STARD9: variants seen among roughly 807,000 people sequenced by gnomAD.
STARD9 encodes the protein StAR related lipid transfer domain containing 9.
A neutral mutation model predicts 399.8 loss-of-function variants in STARD9; 346 were observed. The ratio of observed to expected loss-of-function variants is 0.87; its 90% CI spans 0.79 to 0.95. The LOEUF (loss-of-function observed/expected upper bound fraction) is 0.95, where lower values mean the gene tolerates loss of function less well. Ranked by LOEUF, STARD9 falls within the 40% of genes least tolerant of loss-of-function variation. The pLI is 0.00. For synonymous variants in STARD9, 2,203 were observed against 2,143.5 expected, an observed-to-expected ratio of 1.03 and a Z score of -0.77; for missense variants, 5,832 against 5,667.5, an observed-to-expected ratio of 1.03 and a Z score of -0.93.
chr15:42,693,171 C>T lies in STARD9; in HGVS notation c.11593C>T (p.His3865Tyr). 2.0e-6 allele frequency: 3 copies of T among 1,537,192 alleles called. No individual in the cohort carries two copies. Among genetic ancestry groups the T allele is most frequent in the Non-Finnish European group, 1.7e-6 (2 of 1,146,912 alleles). The change falls in exon 23 of 33, where the codon CAT (histidine) becomes TAT (tyrosine). Residue 3865 changes from histidine (H) to tyrosine (Y), a missense_variant. His to Tyr is a moderately conservative substitution (Grantham distance 83). Coordinates refer to ENST00000290607, the MANE Select transcript of STARD9 (RefSeq NM_020759.3). ...VVSSPSPSSP[H>Y]SPGLFPSTSE... ...CAGCAGTCCCAGTCCCAGCTCCCCT[C>T]ATTCCCCAGGGCTCTTTCCCAGTAC... is the stretch of plus-strand genomic sequence containing the variant.
At chr15:42,598,846 C>T (rs997312347) in intron 3 of STARD9, among the ~76,000 whole-genome samples, 4 of 152,278 alleles carry the variant, frequency 2.6e-5, no homozygotes, top group African/African-American at 9.6e-5. Context: ...CTCATTCTTT[C>T]TCCACTGAAG....
At position 42,693,434 on chromosome 15, in the gene STARD9, C is replaced by T. The variant is rs762051747; in HGVS notation, c.11856C>T (p.Ser3952=). 8.5e-6 allele frequency: 13 copies of T among 1,537,210 alleles called. No homozygotes were observed. The South Asian group carries it at 1.5e-4, about 18-fold the overall frequency. The change falls in exon 23 of 33, where the codon TCC becomes TCT. Residue 3952 remains serine, a synonymous_variant. Transcript: ENST00000290607. ...CAAGGACTCCAATGGATAATTATTC[C>T]CAAACCACTGACGAGTTAGGTGGCT... ...DAPRTPMDNY[S]QTTDELGGSQ...
At chr15:42,676,140 A>G in intron 20 of STARD9, among the ~76,000 whole-genome samples, 165 bp downstream of exon 20, 1 of 152,168 alleles carries the variant, frequency 6.6e-6, no homozygotes, top group Admixed American at 6.5e-5. Flanking sequence ...ATGCTGAACT[A>G]GCTGCTAAGT....
chr15:42,581,523 GGTAGGCGGC>G, intron 1 of STARD9: 2 of 1,387,732 alleles, frequency 1.4e-6, no homozygotes, highest in Non-Finnish European at 2.0e-6. Context: ...TTGTGTGGCG[GGTAGGCGGC>G]GGCGCCGGGC....
At chr15:42,600,910 C>T (rs1279573332) in intron 3 of STARD9, among the ~76,000 whole-genome samples, 1 of 140,424 alleles carries the variant, frequency 7.1e-6, no homozygotes, top group Non-Finnish European at 1.5e-5. Context: ...GGGTGTTTCT[C>T]GGAGAGGGGG....
chr15:42,692,391 C>A lies in STARD9; in HGVS notation c.10813C>A (p.Pro3605Thr). The part of the protein sequence containing the change: ...GEADCLRSKP[P>T]LAKGSAAGPV... ...AGCAGACTGTCTGAGGAGTAAGCCC[C>A]CCTTGGCCAAAGGAAGTGCTGCAGG... The change falls in exon 23 of 33, where the codon CCC becomes ACC. Residue 3605 changes from proline (P) to threonine (T), a missense_variant. By Grantham distance (38) the Pro-to-Thr change is conservative. Coordinates refer to ENST00000290607, the MANE Select transcript of STARD9 (RefSeq NM_020759.3). The A allele has an allele frequency of 5.2e-6, 8 of 1,536,998 alleles. No homozygotes were observed. Among genetic ancestry groups the A allele is most frequent in the Non-Finnish European group, 7.0e-6 (8 of 1,146,914 alleles).
intron 9 of STARD9, among the ~76,000 whole-genome samples, chr15:42,655,008 G>T (rs1013614611): frequency 2.0e-5 from 3 of 152,146 alleles, no homozygotes; most frequent in Non-Finnish European, 2.9e-5. Context: ...TGGGCCAGGC[G>T]CAGTGGCTCA....
rs1292950710 is a variant in STARD9 at position 42,686,397 on chromosome 15, G to A, written c.4819G>A (p.Val1607Ile). 6.5e-7 allele frequency: 1 copy of A among 1,537,530 alleles called. No individual in the cohort carries two copies. The highest frequency in any genetic ancestry group is 1.4e-5 in the African/African-American group (1 of 73,034). The change falls in exon 23 of 33, where the codon GTC becomes ATC. Residue 1607 changes from valine (V) to isoleucine (I), a missense_variant. Physicochemically the swap from Val to Ile is conservative, Grantham distance 29. This residue lies in a region of STARD9 where 5,828 missense variants were observed against 5,651.1 expected (regional missense o/e 1.03). Transcript: ENST00000290607. ...LSASRSTNAQ[V>I]FATENAIPDS... Reference sequence around the variant, plus strand: ...TGCTTCTCGATCTACAAATGCACAGGTCTTTGCAACAGAGAACGCGATACC... The same window carrying A: ...TGCTTCTCGATCTACAAATGCACAGATCTTTGCAACAGAGAACGCGATACC...
At chr15:42,662,654 G>A (rs2060013309) in intron 10 of STARD9, 140 bp from the exon 11 acceptor site, 1 of 533,100 alleles carries the variant, frequency 1.9e-6, no homozygotes, top group Non-Finnish European at 3.2e-6. Context: ...ATTTTCTTCT[G>A]GAACTGAATT....
intron 26 of STARD9, among the ~76,000 whole-genome samples, chr15:42,704,244 CAT>C: frequency 6.6e-6 from 1 of 152,270 alleles, no homozygotes; most frequent in East Asian, 1.9e-4. Flanking sequence ...AAGTTTCTCT[CAT>C]AGATTTCTGA....
chr15:42,718,656 G>A (rs997072160), intron 31 of STARD9, 96 bp from the exon 32 acceptor site: 5 of 1,456,550 alleles, frequency 3.4e-6, no homozygotes, highest in Non-Finnish European at 1.9e-6. Context: ...TTGAAGGCTG[G>A]CCCAGTGTTG....
rs2060662226 is a variant in STARD9, at chr15:42,690,376, A to G, written c.8798A>G (p.Asn2933Ser). 6.5e-7 allele frequency: 1 copy of G among 1,537,112 alleles called. No individual in the cohort carries two copies. Among genetic ancestry groups the G allele is most frequent in the African/African-American group, 1.4e-5 (1 of 73,104 alleles). The part of the protein sequence containing the change: ...EALDGPVFSR[N>S]PEGSRTLSPS... Reference sequence around the variant, plus strand: ...TTAGATGGCCCTGTCTTCTCAAGGAACCCTGAAGGCAGCAGGACTCTCAGC... The same window carrying G: ...TTAGATGGCCCTGTCTTCTCAAGGAGCCCTGAAGGCAGCAGGACTCTCAGC... The change falls in exon 23 of 33, where the codon AAC (asparagine) becomes AGC (serine). Residue 2933 changes from asparagine (N) to serine (S), a missense_variant. Asn to Ser is a conservative substitution (Grantham distance 46, BLOSUM62 1). This residue lies in a region of STARD9 where 5,828 missense variants were observed against 5,651.1 expected (regional missense o/e 1.03). Transcript: ENST00000290607.
chr15:42,690,699 A>C lies in STARD9; in HGVS notation c.9121A>C (p.Thr3041Pro). ...GGAATTTAGGCTAACAGAGAGCAGC[A>C]CTTGTGAGCCTTCTACTGTGGCTGC... The part of the protein sequence containing the change: ...NREFRLTESS[T>P]CEPSTVAAVL... Residue 3041 changes from threonine to proline, a missense_variant, in exon 23 of 33, where the codon ACT becomes CCT. Physicochemically the swap from Thr to Pro is conservative, Grantham distance 38. Transcript: ENST00000290607. The C allele has an allele frequency of 1.3e-6, 2 of 1,537,186 alleles. No individual in the cohort carries two copies.
Position 42,716,718 on chromosome 15 carries a change from G to A in STARD9, c.13326G>A (p.Gly4442=), listed in dbSNP as rs919674608. 3 of 1,537,110 alleles carry A rather than the reference G, an allele frequency of 2.0e-6. No individual in the cohort carries two copies. Among genetic ancestry groups the A allele is most frequent in the African/African-American group, 1.4e-5 (1 of 73,172 alleles). ...CTGATTCCAGGGATGTATGGATAGGGGATGAGCGAGGAGGCCATTCTGCAG... is the reference window on the plus strand; with the variant it reads ...CTGATTCCAGGGATGTATGGATAGGAGATGAGCGAGGAGGCCATTCTGCAG... The part of the protein sequence containing the change: ...NLPDSRDVWI[G]DERGGHSAVR... Residue 4442 remains glycine, a synonymous_variant, in exon 27 of 33, where the codon GGG becomes GGA. Coordinates refer to ENST00000290607, the MANE Select transcript of STARD9 (RefSeq NM_020759.3).
In STARD9 at chr15:42,694,694, C is replaced by T; in HGVS notation, c.12931C>T (p.Gln4311Ter). Residue 4311 changes from glutamine (Q) to a stop codon, truncating the protein, a stop_gained, in exon 24 of 33, where the codon CAA becomes TAA. Transcript: ENST00000290607. LOFTEE classifies it high-confidence loss of function. ...CAGCAGACGCCGAGAATACCTGCAG[C>T]AACTGAGGAAGGATGTTGTGGAGAC... is the stretch of plus-strand genomic sequence containing the variant. The part of the protein sequence containing the change: ...LPSRRREYLQ[Q>*]LRKDVVETTR... 1.3e-6 allele frequency: 2 copies of T among 1,537,122 alleles called. No individual in the cohort carries two copies. The highest frequency in any genetic ancestry group is 2.0e-5 in the Admixed American group (1 of 50,984).
chr15:42,662,924 A>T (rs2060018187), intron 11 of STARD9, 33 bp downstream of exon 11: 1 of 1,412,884 alleles, frequency 7.1e-7, no homozygotes, highest in Non-Finnish European at 9.7e-7. Context: ...AGTGGGAGGG[A>T]GAGTTCGGAA....
chr15:42,601,221 T>C (rs977886341), intron 3 of STARD9, among the ~76,000 whole-genome samples: 1 of 152,218 alleles, frequency 6.6e-6, no homozygotes, highest in Non-Finnish European at 1.5e-5. Context: ...GGCAGAAGAA[T>C]TTTTCTTAGT....
chr15:42,691,274 C>G lies in STARD9; in HGVS notation c.9696C>G (p.Pro3232=), dbSNP rs2060690644. The change falls in exon 23 of 33, where the codon CCC becomes CCG. Residue 3232 remains proline (P), a synonymous_variant. Coordinates refer to ENST00000290607, the MANE Select transcript of STARD9 (RefSeq NM_020759.3). ...AAGGCTTCGCCCAGGGTGTGAATCC[C>G]CTTCCTGATGAAGATGGCTTAGATG... The part of the protein sequence containing the change: ...GGEGFAQGVN[P]LPDEDGLDGC... The G allele has an allele frequency of 6.5e-7, 1 of 1,537,096 alleles. No individual in the cohort carries two copies.
At chr15:42,712,075 T>TA (rs1434326470) in intron 26 of STARD9, among the ~76,000 whole-genome samples, 1 of 39,400 alleles carries the variant, frequency 2.5e-5, no homozygotes, top group Non-Finnish European at 3.4e-5. Context: ...TATATATATA[T>TA]ATATATTATA....
Sources: gnomAD v4.1 joint callset for allele counts (sites outside exome capture counted in the v4.1 genomes callset) on GRCh38, gnomAD v4.1.1 for gene constraint, gnomAD v4.1.1 regional missense constraint, MANE v1.5 for transcripts, NCBI Gene and HGNC (gene_info 2026-07-23, HGNC 2026-07-21) for gene names.